Variants in CFAP52 observed in about 807,000 individuals in gnomAD.
CFAP52 encodes the protein cilia- and flagella-associated protein 52.
Under a neutral mutation model 70.5 loss-of-function variants are expected in CFAP52, and 57 were observed. The observed-to-expected ratio is 0.81, with a 90% CI of 0.65 to 1.01. The LOEUF is 1.01. Ranked by LOEUF, CFAP52 falls within the 50% of genes least tolerant of loss-of-function variation. The pLI, the probability that CFAP52 is intolerant of heterozygous loss-of-function variation, is 0.00. For synonymous variants in CFAP52, 267 were observed against 292.5 expected, an observed-to-expected ratio of 0.91 and a Z score of 0.89; for missense variants, 785 against 788.5, an observed-to-expected ratio of 1.00 and a Z score of 0.05.
chr17:9,586,568 CAAAAAAAA>C, intron 2 of CFAP52, 122 bp from the exon 3 acceptor site: 3 of 893,902 alleles, frequency 3.4e-6, no homozygotes, highest in Non-Finnish European at 4.5e-6. Context: ...TCCGTCTCAA[CAAAAAAAA>C]AAAAAAAAAG....
intron 11 of CFAP52, among the ~76,000 whole-genome samples, chr17:9,637,728 C>T (rs919280667): frequency 4.6e-5 from 7 of 152,320 alleles, no homozygotes; most frequent in Non-Finnish European, 8.8e-5. Flanking sequence ...GCATGCGCCA[C>T]CACGCCTGGC....
chr17:9,615,029 C>T (rs1909852242), intron 8 of CFAP52, among the ~76,000 whole-genome samples: 1 of 152,096 alleles, frequency 6.6e-6, no homozygotes, highest in South Asian at 2.1e-4. Context: ...TAGGACTTCG[C>T]CTTTTAATAA....
intron 10 of CFAP52, among the ~76,000 whole-genome samples, chr17:9,634,860 G>A (rs1198617104): frequency 6.6e-6 from 1 of 152,124 alleles, no homozygotes; most frequent in Admixed American, 6.5e-5. Context: ...TTGTGTGTAG[G>A]TAGTTGTATT....
intron 1 of CFAP52, among the ~76,000 whole-genome samples, chr17:9,580,670 C>G (rs1908177207): frequency 7.9e-6 from 1 of 126,782 alleles, no homozygotes; most frequent in South Asian, 2.6e-4. Flanking sequence ...GCCTGGGCAA[C>G]AGAGTGAGAC....
chr17:9,639,375 G>A (rs1412852524), intron 12 of CFAP52, among the ~76,000 whole-genome samples: 3 of 151,766 alleles, frequency 2.0e-5, no homozygotes, highest in Non-Finnish European at 2.9e-5. Flanking sequence ...AGGTTGCGGC[G>A]AGCCAAGATT....
intron 8 of CFAP52, among the ~76,000 whole-genome samples, chr17:9,613,620 C>T (rs187542419): frequency 6.6e-6 from 1 of 152,074 alleles, no homozygotes; most frequent in East Asian, 1.9e-4. Flanking sequence ...TCGATTCAAG[C>T]GATTCTCCTG....
At chr17:9,584,164 C>T (rs191415134) in intron 1 of CFAP52, 2 of 1,194,894 alleles carry the variant, frequency 1.7e-6, no homozygotes, top group Admixed American at 3.5e-5. Flanking sequence ...ATTGTATTTT[C>T]TTTTATTTTT....
intron 3 of CFAP52, among the ~76,000 whole-genome samples, chr17:9,593,051 G>C (rs1908834449): frequency 6.6e-6 from 1 of 152,078 alleles, no homozygotes; most frequent in South Asian, 2.1e-4. Context: ...TGGTGATCTT[G>C]GTTATACCTT....
intron 8 of CFAP52, among the ~76,000 whole-genome samples, chr17:9,623,045 T>C (rs1479936630): frequency 6.6e-6 from 1 of 152,154 alleles, no homozygotes. Context: ...CTGAGAAAAA[T>C]GTTAAGGTCT....
Position 9,643,267 on chromosome 17 carries a change from C to T in CFAP52, c.*69C>T. On this transcript the variant is annotated 3_prime_UTR_variant, in exon 14 of 14. Transcript: ENST00000352665. ...GTTGAAGACTGAGTTTAGATAACTCCAACACTAGTCTTCATTTCTCACAGC... is the reference window on the plus strand; with the variant it reads ...GTTGAAGACTGAGTTTAGATAACTCTAACACTAGTCTTCATTTCTCACAGC... 7.8e-7 allele frequency: 1 copy of T among 1,284,524 alleles called. No individual in the cohort carries two copies. Among genetic ancestry groups the T allele is most frequent in the African/African-American group, 1.5e-5 (1 of 66,176 alleles). 79.6% of individuals were successfully genotyped at this position (1,284,524 alleles called of 1,614,324 possible). A position where few individuals can be genotyped will look rare whatever the true frequency, so the allele number is the denominator to read the frequency against.
chr17:9,604,489 C>T (rs548405890), intron 6 of CFAP52, among the ~76,000 whole-genome samples: 12 of 152,194 alleles, frequency 7.9e-5, no homozygotes, highest in Non-Finnish European at 1.6e-4. Flanking sequence ...AGATGGCAGC[C>T]GGGCGCAGTG....
intron 6 of CFAP52, among the ~76,000 whole-genome samples, chr17:9,607,153 C>T (rs1909522352): frequency 6.6e-6 from 1 of 152,114 alleles, no homozygotes; most frequent in Non-Finnish European, 1.5e-5. Context: ...CGAGACCAGC[C>T]TGGCCAACAT....
At chr17:9,603,678 C>T (rs143603836) in intron 6 of CFAP52, among the ~76,000 whole-genome samples, 6 of 152,200 alleles carry the variant, frequency 3.9e-5, no homozygotes, top group East Asian at 1.9e-4. Context: ...CAAAAGACTC[C>T]GACTAGAAAG....
At position 9,587,269 on chromosome 17, in the gene CFAP52, T is replaced by C. The variant is rs140350447; in HGVS notation, c.407+435T>C. On this transcript the variant is annotated intron_variant, in intron 3 of 13. Coordinates refer to ENST00000352665, the MANE Select transcript of CFAP52 (RefSeq NM_145054.5). ...CACATTTTCTTTATCCAGTCTACCATTGATGAGCATTTGGGTTGATTCCAT... is the reference window on the plus strand; with the variant it reads ...CACATTTTCTTTATCCAGTCTACCACTGATGAGCATTTGGGTTGATTCCAT... Among the ~76,000 whole-genome samples the C allele has an allele frequency of 2.3e-3, 354 of 152,362 alleles. 1 individual carries two copies. The highest frequency in any genetic ancestry group is 8.0e-3 in the African/African-American group (334 of 41,586).
intron 8 of CFAP52, among the ~76,000 whole-genome samples, chr17:9,615,116 A>G (rs1440414158): frequency 6.6e-6 from 1 of 152,224 alleles, no homozygotes; most frequent in Non-Finnish European, 1.5e-5. Flanking sequence ...AACTAAGAGG[A>G]AGAACATAGA....
intron 3 of CFAP52, among the ~76,000 whole-genome samples, chr17:9,588,365 C>T (rs548817210): frequency 7.9e-5 from 12 of 152,228 alleles, no homozygotes; most frequent in East Asian, 3.9e-4. Flanking sequence ...CAGCTCAGCC[C>T]GCTCGTGCCC....
At chr17:9,581,869 A>G (rs1908243092) in intron 1 of CFAP52, among the ~76,000 whole-genome samples, 1 of 152,128 alleles carries the variant, frequency 6.6e-6, no homozygotes, top group South Asian at 2.1e-4. Context: ...CTCTTATAGG[A>G]GTGATGCAAA....
chr17:9,583,806 A>G (rs1183156235), intron 1 of CFAP52, among the ~76,000 whole-genome samples: 4 of 152,252 alleles, frequency 2.6e-5, no homozygotes, highest in East Asian at 3.8e-4. Context: ...ATATTAAAAC[A>G]TATTACAAGG....
At chr17:9,580,000 A>C (rs1233674630) in intron 1 of CFAP52, among the ~76,000 whole-genome samples, 2 of 152,234 alleles carry the variant, frequency 1.3e-5, no homozygotes, top group Non-Finnish European at 2.9e-5. Context: ...ATAAAGTTAT[A>C]GTTATTAAGG....
Sources: allele counts gnomAD v4.1 joint callset (sites outside exome capture counted in the v4.1 genomes callset), GRCh38; gene constraint gnomAD v4.1.1; transcripts MANE v1.5; gene names NCBI Gene and HGNC (gene_info 2026-07-23, HGNC 2026-07-21).